Variants in STOM observed in about 807,000 individuals in gnomAD.
The protein encoded by STOM is stomatin.
STOM carries 25 observed loss-of-function variants against 30.6 expected under a neutral mutation model. That is an observed-to-expected ratio of 0.82 (90% CI 0.60 to 1.14). The LOEUF is 1.14. Among genes scored for constraint, STOM ranks in the 50% most tolerant of loss-of-function variants. STOM has a pLI of 0.00. For synonymous variants in STOM, 118 were observed against 130.8 expected (o/e 0.90, Z 0.67); for missense variants, 292 against 365.2 (o/e 0.80, Z 1.63).
At chr9:121,365,758 T>C (rs761640334) in intron 1 of STOM, among the ~76,000 whole-genome samples, 93 of 152,294 alleles carry the variant, frequency 6.1e-4, no homozygotes, top group Non-Finnish European at 1.1e-3. Flanking sequence ...TCAGTTGTTG[T>C]GGAGATAAAA....
intron 4 of STOM, among the ~76,000 whole-genome samples, chr9:121,350,236 C>G (rs986190133): frequency 6.6e-6 from 1 of 152,200 alleles, no homozygotes; most frequent in Non-Finnish European, 1.5e-5. Flanking sequence ...AGGAAGATTG[C>G]TCCAGCCTGG....
Position 121,339,753 on chromosome 9 carries a change from T to A in STOM, c.*1449A>T. 8.2e-7 allele frequency: 1 copy of A among 1,226,792 alleles called. No individual in the cohort carries two copies. Among genetic ancestry groups the A allele is most frequent in the Non-Finnish European group, 1.0e-6 (1 of 985,196 alleles). 76.0% of individuals were successfully genotyped at this position (1,226,792 alleles called of 1,614,324 possible). A position where few individuals can be genotyped will look rare whatever the true frequency, so the allele number is the denominator to read the frequency against. Reference sequence around the variant, plus strand: ...TCTCCTAATATTATAGACTAAGAATTTGTTGTCCAGAGGAGCTGACCAGTT... The same window carrying A: ...TCTCCTAATATTATAGACTAAGAATATGTTGTCCAGAGGAGCTGACCAGTT... On this transcript the variant is annotated 3_prime_UTR_variant, in exon 7 of 7. Coordinates refer to ENST00000286713, the MANE Select transcript of STOM (RefSeq NM_004099.6).
chr9:121,370,075 C>T (rs1352565486), intron 1 of STOM, 52 bp downstream of exon 1: 27 of 1,489,988 alleles, frequency 1.8e-5, no homozygotes, highest in Non-Finnish European at 2.3e-5. Flanking sequence ...GGAGCGCACG[C>T]TGCGGGCGGG....
At chr9:121,368,657 TG>T (rs893358211) in intron 1 of STOM, among the ~76,000 whole-genome samples, 1 of 152,042 alleles carries the variant, frequency 6.6e-6, no homozygotes, top group African/African-American at 2.4e-5. Context: ...TACGTGGCAC[TG>T]GGGGGGTCGC....
At chr9:121,363,002 A>G (rs1446360955) in intron 1 of STOM, among the ~76,000 whole-genome samples, 2 of 152,204 alleles carry the variant, frequency 1.3e-5, no homozygotes, top group Non-Finnish European at 2.9e-5. Context: ...CATGTGGAGT[A>G]ATAAATCCAC....
At position 121,340,319 on chromosome 9, in the gene STOM, G is replaced by T; in HGVS notation, c.*883C>A. The T allele has an allele frequency of 1.0e-6, 1 of 985,380 alleles. No homozygotes were observed. The highest frequency in any genetic ancestry group is 4.7e-5 in the South Asian group (1 of 21,290). The allele number at this position is 985,380 out of a possible 1,614,324, so 61.0% of individuals were successfully genotyped here. A position where few individuals can be genotyped will look rare whatever the true frequency, so the allele number is the denominator to read the frequency against. ...AGGGTTAGAGTAATCTTTTTCATTAGTCTTGGCTATTTCCTCTAGTTCTGA... is the reference window on the plus strand; with the variant it reads ...AGGGTTAGAGTAATCTTTTTCATTATTCTTGGCTATTTCCTCTAGTTCTGA... On this transcript the variant is annotated 3_prime_UTR_variant, in exon 7 of 7. Coordinates refer to ENST00000286713, the MANE Select transcript of STOM (RefSeq NM_004099.6).
intron 1 of STOM, among the ~76,000 whole-genome samples, chr9:121,364,258 A>C (rs1482847657): frequency 2.0e-5 from 3 of 152,196 alleles, no homozygotes; most frequent in Admixed American, 1.3e-4. Flanking sequence ...TTTAAGGCAG[A>C]AGATTTCAAA....
intron 1 of STOM, among the ~76,000 whole-genome samples, chr9:121,363,040 G>A (rs2064468746): frequency 6.6e-6 from 1 of 152,180 alleles, no homozygotes; most frequent in Non-Finnish European, 1.5e-5. Context: ...TTATTGTAAA[G>A]TTCAACAGAT....
intron 1 of STOM, among the ~76,000 whole-genome samples, chr9:121,358,276 G>C (rs10985219): frequency 6.6e-6 from 1 of 152,090 alleles, no homozygotes; most frequent in African/African-American, 2.4e-5. Context: ...GGGCAACCTA[G>C]TGAGACTCCC....
chr9:121,364,469 A>G (rs755961232), intron 1 of STOM, among the ~76,000 whole-genome samples: 1 of 152,202 alleles, frequency 6.6e-6, no homozygotes, highest in Non-Finnish European at 1.5e-5. Flanking sequence ...AAATCCATCT[A>G]TAGTTATAAA....
chr9:121,359,579 C>T (rs962401392), intron 1 of STOM, among the ~76,000 whole-genome samples: 1 of 151,890 alleles, frequency 6.6e-6, no homozygotes, highest in Non-Finnish European at 1.5e-5. Flanking sequence ...GTTGTGTATA[C>T]CCCAGGCATT....
Position 121,354,692 on chromosome 9 carries a change from T to C in STOM, c.166-19A>G, listed in dbSNP as rs768230276. On this transcript the variant is annotated intron_variant, in intron 2 of 6. Coordinates refer to ENST00000286713, the MANE Select transcript of STOM (RefSeq NM_004099.6). Reference sequence around the variant, plus strand: ...TTATAATCTAGAATAAAAACATGAATAATAATTTAACATGAAGAGTACAAA... The same window carrying C: ...TTATAATCTAGAATAAAAACATGAACAATAATTTAACATGAAGAGTACAAA... The C allele has an allele frequency of 4.5e-6, 7 of 1,561,150 alleles. No homozygotes were observed. Among genetic ancestry groups the C allele is most frequent in the South Asian group, 1.1e-5 (1 of 87,224 alleles).
intron 6 of STOM, among the ~76,000 whole-genome samples, chr9:121,347,688 C>T (rs1489630510): frequency 6.6e-6 from 1 of 152,142 alleles, no homozygotes; most frequent in Non-Finnish European, 1.5e-5. Flanking sequence ...AATGAGGTAA[C>T]TCTACATGTA....
At chr9:121,354,565 G>A (rs758967690) in intron 3 of STOM, 36 bp downstream of exon 3, 2 of 1,500,066 alleles carry the variant, frequency 1.3e-6, no homozygotes, top group Non-Finnish European at 9.1e-7. Flanking sequence ...AAGAACTTTA[G>A]TTTTCAGATA....
Position 121,370,198 on chromosome 9 carries a change from A to C in STOM, c.-11T>G, listed in dbSNP as rs1024614295. The C allele has an allele frequency of 1.5e-5, 23 of 1,546,328 alleles. No individual in the cohort carries two copies. The highest frequency in any genetic ancestry group is 2.7e-5 in the African/African-American group (2 of 72,976). ...CCGCTTCTCGGCCATGCTGCCCGAG[A>C]CGCAGTCGCACTCCCCCGTCCTCGT... On this transcript the variant is annotated 5_prime_UTR_variant, in exon 1 of 7. Transcript: ENST00000286713.
intron 6 of STOM, among the ~76,000 whole-genome samples, chr9:121,345,314 CT>C (rs1193330220): frequency 6.6e-6 from 1 of 152,184 alleles, no homozygotes; most frequent in African/African-American, 2.4e-5. Context: ...TCTAGTTCCT[CT>C]CTCACCCACA....
In STOM at chr9:121,340,584, T is replaced by A. The variant is rs2134018595; in HGVS notation, c.*618A>T. ...AAACCCCGTCTCTACTAAAAAACAA[T>A]AATAATAATACAAAAATTAGCTGGG... is the stretch of plus-strand genomic sequence containing the variant. On this transcript the variant is annotated 3_prime_UTR_variant, in exon 7 of 7. Transcript: ENST00000286713. 1.7e-6 allele frequency: 1 copy of A among 579,502 alleles called. No individual in the cohort carries two copies. Among genetic ancestry groups the A allele is most frequent in the Non-Finnish European group, 2.2e-6 (1 of 459,848 alleles). 35.9% of individuals were successfully genotyped at this position (579,502 alleles called of 1,614,324 possible). A position where few individuals can be genotyped will look rare whatever the true frequency, so the allele number is the denominator to read the frequency against.
chr9:121,353,640 T>TC (rs560709219), intron 3 of STOM, among the ~76,000 whole-genome samples: 1 of 151,880 alleles, frequency 6.6e-6, no homozygotes, highest in South Asian at 2.1e-4. Flanking sequence ...AGCCGAGCAA[T>TC]CCCCCCTAAA....
chr9:121,342,862 T>G (rs1418631954), intron 6 of STOM, among the ~76,000 whole-genome samples: 1 of 152,182 alleles, frequency 6.6e-6, no homozygotes, highest in Non-Finnish European at 1.5e-5. Context: ...AGTTTGAAGA[T>G]CACTCGAGTA....
Sources: gnomAD v4.1 joint callset for allele counts (sites outside exome capture counted in the v4.1 genomes callset) on GRCh38, gnomAD v4.1.1 for gene constraint, MANE v1.5 for transcripts, NCBI Gene and HGNC (gene_info 2026-07-23, HGNC 2026-07-21) for gene names.